Variants in TPST2 observed in about 807,000 individuals in gnomAD.
TPST2 encodes tyrosylprotein sulfotransferase 2.
In TPST2, 16 loss-of-function variants were observed where a neutral mutation model predicts 27.8. The observed-to-expected ratio is 0.58, with a 90% confidence interval of 0.39 to 0.88. The LOEUF is 0.88. Among genes scored for constraint, TPST2 ranks in the 40% least tolerant of loss-of-function variants. The pLI, the probability that TPST2 is intolerant of heterozygous loss-of-function variation, is 0.00. For synonymous variants in TPST2, 229 were observed against 231.7 expected (o/e 0.99, Z 0.10); for missense variants, 464 against 543.1 (o/e 0.85, Z 1.45).
chr22:26,570,013 AAGAAAGAAAGAAAG>A (rs1927554065), intron 1 of TPST2, among the ~76,000 whole-genome samples: 1 of 94,778 alleles, frequency 1.1e-5, no homozygotes, highest in Non-Finnish European at 2.1e-5. Context: ...GAAAGAAAGA[AAGAAAGAAAGAAAG>A]AAAGAAAGAA....
chr22:26,541,671 T>C lies in TPST2; in HGVS notation c.-41A>G. The C allele has an allele frequency of 6.6e-7, 1 of 1,511,906 alleles. No homozygotes were observed. Among genetic ancestry groups the C allele is most frequent in the Admixed American group, 2.2e-5 (1 of 46,388 alleles). 93.7% of individuals were successfully genotyped at this position (1,511,906 alleles called of 1,614,324 possible). A position where few individuals can be genotyped will look rare whatever the true frequency, so the allele number is the denominator to read the frequency against. Reference sequence around the variant, plus strand: ...GGGTAGGCCTGGCCTGAGGGCCCGCTTCTGGGGCTTCAGCGACAGGTTAGC... The same window carrying C: ...GGGTAGGCCTGGCCTGAGGGCCCGCCTCTGGGGCTTCAGCGACAGGTTAGC... On this transcript the variant is annotated 5_prime_UTR_variant, in exon 3 of 7. Transcript: ENST00000338754. The surrounding 1 kb of genome is among the most constrained non-coding windows in gnomAD (Gnocchi z 5.9).
chr22:26,555,200 C>A (rs1483428834), intron 1 of TPST2: 1 of 533,806 alleles, frequency 1.9e-6, no homozygotes, highest in Non-Finnish European at 3.8e-6. Flanking sequence ...CTGTGAAACA[C>A]CGCTTAAGGC....
chr22:26,581,448 G>A (rs971663923), intron 1 of TPST2, among the ~76,000 whole-genome samples: 13 of 152,212 alleles, frequency 8.5e-5, no homozygotes, highest in African/African-American at 3.1e-4. Flanking sequence ...GATTGAGAAA[G>A]AAATGAAGGC....
At chr22:26,570,019 GAA>G in intron 1 of TPST2, among the ~76,000 whole-genome samples, 1 of 110,618 alleles carries the variant, frequency 9.0e-6, no homozygotes, top group South Asian at 3.0e-4. Flanking sequence ...AAGAAAGAAA[GAA>G]AGAAAGAAAG....
chr22:26,589,758 C>T (rs1206373725), intron 1 of TPST2, among the ~76,000 whole-genome samples: 1 of 152,172 alleles, frequency 6.6e-6, no homozygotes, highest in Non-Finnish European at 1.5e-5. Context: ...CTGAGCGTCT[C>T]CCAGGCGCTG....
intron 1 of TPST2, among the ~76,000 whole-genome samples, chr22:26,563,689 A>T (rs1279635849): frequency 1.3e-5 from 2 of 152,116 alleles, no homozygotes; most frequent in Non-Finnish European, 2.9e-5. Flanking sequence ...CCATTCAGTT[A>T]GCCAAGGCCT....
chr22:26,588,519 G>A (rs8139114), intron 1 of TPST2, among the ~76,000 whole-genome samples: 2 of 152,180 alleles, frequency 1.3e-5, no homozygotes, highest in Admixed American at 1.3e-4. Context: ...TACTTTAAAA[G>A]GGTGAATTGT....
intron 1 of TPST2, among the ~76,000 whole-genome samples, chr22:26,556,311 G>A (rs1472847198): frequency 1.3e-5 from 2 of 152,094 alleles, no homozygotes; most frequent in African/African-American, 4.8e-5. Flanking sequence ...GGCCGAGGTG[G>A]GCGGATCACC....
Position 26,523,253 on chromosome 22 carries a change from CA to C in TPST2, c.*3021del, listed in dbSNP as rs1220243690. 6.6e-6 allele frequency: 1 copy of C among 152,188 alleles called. No individual in the cohort carries two copies. The highest frequency in any genetic ancestry group is 1.9e-4 in the East Asian group (1 of 5,200). 9.4% of individuals were successfully genotyped at this position (152,188 alleles called of 1,614,324 possible). On this transcript the variant is annotated 3_prime_UTR_variant, in exon 7 of 7. Transcript: ENST00000338754. ...AAATTACATTTTGGAATAACCTATT[CA>C]AAATGGTTTTTTCCATACGTCTTTA...
intron 5 of TPST2, among the ~76,000 whole-genome samples, chr22:26,528,528 C>T (rs1259890189): frequency 6.6e-6 from 1 of 152,158 alleles, no homozygotes; most frequent in Non-Finnish European, 1.5e-5. Flanking sequence ...GGCAATATGA[C>T]AGGCTGCTAT....
At chr22:26,568,864 CTTTTTTTTT>C (rs985608738) in intron 1 of TPST2, among the ~76,000 whole-genome samples, 1 of 119,622 alleles carries the variant, frequency 8.4e-6, no homozygotes, top group African/African-American at 3.1e-5. Context: ...ACCCTGAATT[CTTTTTTTTT>C]TTTTTTTTTG....
intron 1 of TPST2, among the ~76,000 whole-genome samples, chr22:26,555,476 T>C (rs974829347): frequency 6.6e-6 from 1 of 152,260 alleles, no homozygotes; most frequent in Admixed American, 6.5e-5. Context: ...TCACCTGTTA[T>C]AACGTTTAAC....
chr22:26,547,809 C>T (rs1049076088), intron 1 of TPST2, among the ~76,000 whole-genome samples: 1 of 152,134 alleles, frequency 6.6e-6, no homozygotes, highest in Admixed American at 6.5e-5. Flanking sequence ...AATGAGACTG[C>T]CTCAAAACAA....
intron 1 of TPST2, among the ~76,000 whole-genome samples, chr22:26,550,109 T>C (rs186050786): frequency 2.0e-5 from 3 of 151,544 alleles, no homozygotes; most frequent in African/African-American, 7.3e-5. Context: ...CCTCTTTCCA[T>C]TGACCCTGAA....
Position 26,536,501 on chromosome 22 carries a change from G to A in TPST2, c.843-15C>T. Reference sequence around the variant, plus strand: ...ACCGCTCGATCCTGGGGAGAGAGGAGACGCTGGAGAGGGTAGGGCAGACCC... The same window carrying A: ...ACCGCTCGATCCTGGGGAGAGAGGAAACGCTGGAGAGGGTAGGGCAGACCC... On this transcript the variant is annotated splice_polypyrimidine_tract_variant and intron_variant, in intron 3 of 6. Transcript: ENST00000338754. 1 of 1,507,232 alleles carries A rather than the reference G, an allele frequency of 6.6e-7. No individual in the cohort carries two copies. Among genetic ancestry groups the A allele is most frequent in the Non-Finnish European group, 8.9e-7 (1 of 1,128,212 alleles). The allele number at this position is 1,507,232 out of a possible 1,614,324, so 93.4% of individuals were successfully genotyped here.
chr22:26,525,919 T>C lies in TPST2; in HGVS notation c.*356A>G, dbSNP rs1302406861. The C allele has an allele frequency of 6.6e-6, 1 of 152,256 alleles. No individual in the cohort carries two copies. The highest frequency in any genetic ancestry group is 1.5e-5 in the Non-Finnish European group (1 of 68,038). 9.4% of individuals were successfully genotyped at this position (152,256 alleles called of 1,614,324 possible). On this transcript the variant is annotated 3_prime_UTR_variant, in exon 7 of 7. Transcript: ENST00000338754. ...TAAGGGTCAATAGGAGAGGCACAGGTTGTGGGCCTTGTCCCAGCAAACAAA... is the reference window on the plus strand; with the variant it reads ...TAAGGGTCAATAGGAGAGGCACAGGCTGTGGGCCTTGTCCCAGCAAACAAA...
intron 3 of TPST2, among the ~76,000 whole-genome samples, chr22:26,539,800 C>CA (rs964647409): frequency 6.6e-5 from 10 of 151,962 alleles, no homozygotes; most frequent in African/African-American, 2.2e-4. Context: ...AGAAAAACCC[C>CA]AAAAAACAGA....
In TPST2 at chr22:26,541,364, G is replaced by A. The variant is rs139213643; in HGVS notation, c.267C>T (p.Asp89=). ...SGTTLMRAML[D]AHPEVRCGEE... ...CGCCGCAGCGCACCTCGGGGTGCGC[G>A]TCCAGCATGGCGCGCATCAACGTGG... Residue 89 remains aspartate (D), a synonymous_variant, in exon 3 of 7, where the codon GAC becomes GAT. Transcript: ENST00000338754. This position sits in a 1 kb window ranked among gnomAD's most constrained non-coding sequence, Gnocchi z 5.9. 117 of 1,552,542 alleles carry A rather than the reference G, an allele frequency of 7.5e-5. 1 individual carries two copies. In the African/African-American group the frequency reaches 1.2e-3, roughly 16 times the overall value.
At chr22:26,578,275 T>C (rs1927939469) in intron 1 of TPST2, among the ~76,000 whole-genome samples, 1 of 152,132 alleles carries the variant, frequency 6.6e-6, no homozygotes, top group Admixed American at 6.6e-5. Flanking sequence ...ACAGCAGGTT[T>C]TAGCGCCCGT....
Sources: allele counts gnomAD v4.1 joint callset (sites outside exome capture counted in the v4.1 genomes callset), GRCh38; gene constraint gnomAD v4.1.1; non-coding constraint Gnocchi (gnomAD v3.1); transcripts MANE v1.5; gene names NCBI Gene and HGNC (gene_info 2026-07-23, HGNC 2026-07-21).